Variants in CHRNA4 observed in about 807,000 individuals in gnomAD.
The protein encoded by CHRNA4 is neuronal acetylcholine receptor subunit alpha-4.
In CHRNA4, 28 loss-of-function variants were observed where a neutral mutation model predicts 48.9. That is an observed-to-expected ratio of 0.57 (90% confidence interval 0.42 to 0.79). The LOEUF (loss-of-function observed/expected upper bound fraction) is 0.79, where lower values mean the gene tolerates loss of function less well. Among genes scored for constraint, CHRNA4 ranks in the 30% least tolerant of loss-of-function variants. The probability of loss-of-function intolerance (pLI) is 0.00; values close to 1 mark genes in which losing one functional copy is unlikely to be tolerated. For missense variants in CHRNA4, 859 were observed against 898.4 expected (o/e 0.96, Z 0.56); for synonymous variants, 425 against 402.3 (o/e 1.06, Z -0.68).
At chr20:63,354,038 AG>A (rs1271009758) in intron 4 of CHRNA4, among the ~76,000 whole-genome samples, 38 of 115,016 alleles carry the variant, frequency 3.3e-4, no homozygotes, top group Non-Finnish European at 5.9e-4. Flanking sequence ...TTGTAGTCCT[AG>A]GGGGCTGTGG....
At chr20:63,360,640 C>A (rs1220217568) in intron 1 of CHRNA4, among the ~76,000 whole-genome samples, 1 of 152,186 alleles carries the variant, frequency 6.6e-6, no homozygotes, top group African/African-American at 2.4e-5. Flanking sequence ...AGAGTCCCCA[C>A]CCGCGACCTT....
chr20:63,356,841 C>T (rs2068725880), intron 2 of CHRNA4, among the ~76,000 whole-genome samples: 1 of 152,192 alleles, frequency 6.6e-6, no homozygotes. Context: ...CCACTGCTGG[C>T]CAGGGTGGCC....
intron 1 of CHRNA4, chr20:63,360,211 C>T (rs888846226): frequency 1.2e-5 from 2 of 171,488 alleles, no homozygotes; most frequent in Non-Finnish European, 2.6e-5. Flanking sequence ...GCGGGGCCAG[C>T]CCAGGCAGGA....
At chr20:63,359,913 G>GTGTGCCGGGCGTGCGCTGTGTGTGTA in intron 1 of CHRNA4, 1 of 517,594 alleles carries the variant, frequency 1.9e-6, no homozygotes, top group Non-Finnish European at 3.5e-6. Context: ...GTGTGTGTGT[G>GTGTGCCGGGCGTGCGCTGTGTGTGTA]TGTGTGTGTG....
intron 2 of CHRNA4, among the ~76,000 whole-genome samples, chr20:63,358,838 C>A (rs980967032): frequency 4.6e-5 from 7 of 152,168 alleles, no homozygotes; most frequent in Admixed American, 4.6e-4. Context: ...GCCGAGACCC[C>A]CAGACAGTCT....
In CHRNA4 at chr20:63,343,736, C is replaced by T. The variant is rs367807068; in HGVS notation, c.*3002G>A. ...CCCTGGGAAGGAGGGGGCAGGATGG[C>T]GCAAGCAGCCGCAGAGGGGCCGGCG... is the stretch of plus-strand genomic sequence containing the variant. On this transcript the variant is annotated 3_prime_UTR_variant, in exon 6 of 6. Transcript: ENST00000370263. 114 of 451,252 alleles carry T rather than the reference C, an allele frequency of 2.5e-4. No homozygotes were observed. In the East Asian group the frequency reaches 5.7e-3, roughly 23 times the overall value. 28.0% of individuals were successfully genotyped at this position (451,252 alleles called of 1,614,324 possible). A position where few individuals can be genotyped will look rare whatever the true frequency, so the allele number is the denominator to read the frequency against.
intron 5 of CHRNA4, among the ~76,000 whole-genome samples, chr20:63,347,818 G>C (rs1421003091): frequency 6.6e-6 from 1 of 152,218 alleles, no homozygotes; most frequent in Non-Finnish European, 1.5e-5. Flanking sequence ...GCGGGGGCCT[G>C]GGCACACTGT....
rs200407438 is a variant in CHRNA4 at position 63,351,045 on chromosome 20, G to A, written c.384-18C>T. The A allele has an allele frequency of 4.8e-4, 776 of 1,607,514 alleles. 7 individuals are homozygous for A. Among genetic ancestry groups the A allele is most frequent in the Non-Finnish European group, 3.4e-5 (40 of 1,178,160 alleles). On this transcript the variant is annotated intron_variant, in intron 4 of 5. Coordinates refer to ENST00000370263, the MANE Select transcript of CHRNA4 (RefSeq NM_000744.7). Reference sequence around the variant, plus strand: ...CGTCAGCACTGGGCAGGAAGAGAGCGAAGGGTGTGAGACCCCCACATCCAT... The same window carrying A: ...CGTCAGCACTGGGCAGGAAGAGAGCAAAGGGTGTGAGACCCCCACATCCAT...
In CHRNA4 at chr20:63,350,603, C is replaced by G. The variant is rs765977956; in HGVS notation, c.808G>C (p.Glu270Gln). The change falls in exon 5 of 6, where the codon GAG becomes CAG. Residue 270 changes from glutamate (E) to glutamine (Q), a missense_variant. Around this residue, in one of 3 missense-constraint regions of CHRNA4, gnomAD observed 39 missense variants for 77.7 expected, o/e 0.50. Coordinates refer to ENST00000370263, the MANE Select transcript of CHRNA4 (RefSeq NM_000744.7). ...LTVLVFYLPSECGEKITLCIS... is the reference protein window; with the variant it reads ...LTVLVFYLPSQCGEKITLCIS... ...CACAGCGTGATCTTCTCGCCACACT[C>G]GGAGGGCAGGTAGAAGACCAGCACG... The G allele has an allele frequency of 3.1e-6, 5 of 1,613,788 alleles. No individual in the cohort carries two copies. The highest frequency in any genetic ancestry group is 4.2e-6 in the Non-Finnish European group (5 of 1,180,014).
Position 63,356,073 on chromosome 20 carries a change from G to C in CHRNA4, c.285C>G (p.Asp95Glu). ...TNVWVKQEWH[D>E]YKLRWDPADY... ...CAGCTGGGTCCCAGCGCAGCTTGTA[G>C]TCGTGCCACTCCTGGATGAGGTGGG... The change falls in exon 4 of 6, where the codon GAC becomes GAG. Residue 95 changes from aspartate (D) to glutamate (E), a missense_variant. Asp to Glu is a conservative substitution (Grantham distance 45, BLOSUM62 2). Coordinates refer to ENST00000370263, the MANE Select transcript of CHRNA4 (RefSeq NM_000744.7). 6.3e-7 allele frequency: 1 copy of C among 1,596,334 alleles called. No homozygotes were observed. Among genetic ancestry groups the C allele is most frequent in the Non-Finnish European group, 8.5e-7 (1 of 1,175,292 alleles).
At chr20:63,357,926 T>C (rs1225117169) in intron 2 of CHRNA4, among the ~76,000 whole-genome samples, 2 of 152,172 alleles carry the variant, frequency 1.3e-5, no homozygotes, top group Non-Finnish European at 2.9e-5. Flanking sequence ...AACTGGGGAC[T>C]CTGTGGTGGC....
chr20:63,356,388 T>C lies in CHRNA4; in HGVS notation c.256A>G (p.Asn86Asp), dbSNP rs1021423232. ...VDEKNQMMTTNVWVKQEWHDY... is the reference protein window; with the variant it reads ...VDEKNQMMTTDVWVKQEWHDY... ...CCACTCACCTGCTTCACCCATACGTTCGTGGTCATCATCTGGTTCTTCTCA... is the reference window on the plus strand; with the variant it reads ...CCACTCACCTGCTTCACCCATACGTCCGTGGTCATCATCTGGTTCTTCTCA... The change falls in exon 3 of 6, where the codon AAC becomes GAC. Residue 86 changes from asparagine to aspartate, a missense_variant. Asn to Asp is a conservative substitution (Grantham distance 23, BLOSUM62 1). Coordinates refer to ENST00000370263, the MANE Select transcript of CHRNA4 (RefSeq NM_000744.7). The C allele has an allele frequency of 3.1e-6, 5 of 1,600,472 alleles. No homozygotes were observed. Among genetic ancestry groups the C allele is most frequent in the Non-Finnish European group, 3.4e-6 (4 of 1,174,166 alleles).
chr20:63,349,910 C>T lies in CHRNA4; in HGVS notation c.1501G>A (p.Glu501Lys), dbSNP rs146825815. Residue 501 changes from glutamate to lysine, a missense_variant, in exon 5 of 6, where the codon GAG becomes AAG. By Grantham distance (56) the Glu-to-Lys change is moderately conservative (BLOSUM62 1). Around this residue, in one of 3 missense-constraint regions of CHRNA4, gnomAD observed 478 missense variants for 455.4 expected, o/e 1.05. Coordinates refer to ENST00000370263, the MANE Select transcript of CHRNA4 (RefSeq NM_000744.7). The part of the protein sequence containing the change: ...YCVPRDDAAP[E>K]ADGQAAGALA... Reference sequence around the variant, plus strand: ...GCGCCGGCAGCCTGGCCATCTGCCTCGGGGGCGGCATCGTCTCGGGGAACA... The same window carrying T: ...GCGCCGGCAGCCTGGCCATCTGCCTTGGGGGCGGCATCGTCTCGGGGAACA... The T allele has an allele frequency of 8.8e-6, 14 of 1,594,640 alleles. No individual in the cohort carries two copies. The highest frequency in any genetic ancestry group is 5.2e-5 in the Admixed American group (3 of 58,236).
chr20:63,346,408 GGAGT>G lies in CHRNA4; in HGVS notation c.*326_*329del. Reference sequence around the variant, plus strand: ...CACCAGATCTGCTGAGAGACTGGGAGGAGTGAGTTCCATCTGCAGGGGAGCTCAG... The same window carrying G: ...CACCAGATCTGCTGAGAGACTGGGAGGAGTTCCATCTGCAGGGGAGCTCAG... On this transcript the variant is annotated 3_prime_UTR_variant, in exon 6 of 6. Transcript: ENST00000370263. The G allele has an allele frequency of 1.9e-6, 1 of 523,584 alleles. No homozygotes were observed. The allele number at this position is 523,584 out of a possible 1,614,324, so 32.4% of individuals were successfully genotyped here.
In CHRNA4 at chr20:63,359,932, G is replaced by A. The variant is rs564495641; in HGVS notation, c.77-233C>T. 7.5e-4 allele frequency: 311 copies of A among 413,764 alleles called. 2 individuals carry two copies. The African/African-American group carries it at 7.8e-3, about 10-fold the overall frequency. 25.6% of individuals were successfully genotyped at this position (413,764 alleles called of 1,614,324 possible). A position where few individuals can be genotyped will look rare whatever the true frequency, so the allele number is the denominator to read the frequency against. The stretch of plus-strand genomic sequence containing the variant: ...GTGTGTGTGTGTGTGTGTGTGTGCC[G>A]GGCGTGGCGTGCGCTGACCTCTCTT... On this transcript the variant is annotated intron_variant, in intron 1 of 5. Transcript: ENST00000370263.
At chr20:63,348,697 C>T (rs2068533635) in intron 5 of CHRNA4, among the ~76,000 whole-genome samples, 1 of 152,214 alleles carries the variant, frequency 6.6e-6, no homozygotes, top group Non-Finnish European at 1.5e-5. Flanking sequence ...CCGCTGTGGA[C>T]GTCATGGGCT....
In CHRNA4 at chr20:63,350,640, G is replaced by A; in HGVS notation, c.771C>T (p.Ile257=). ...TINLIIPCLL[I]SCLTVLVFYL... ...AGAAGACCAGCACGGTGAGGCAGGA[G>A]ATGAGCAGGCAGGGGATGATGAGGT... Residue 257 remains isoleucine, a synonymous_variant, in exon 5 of 6, where the codon ATC becomes ATT. Coordinates refer to ENST00000370263, the MANE Select transcript of CHRNA4 (RefSeq NM_000744.7). The A allele has an allele frequency of 1.2e-6, 2 of 1,614,104 alleles. No homozygotes were observed. Among genetic ancestry groups the A allele is most frequent in the Non-Finnish European group, 1.7e-6 (2 of 1,180,042 alleles).
rs1568801556 is a variant in CHRNA4 at position 63,344,251 on chromosome 20, G to A, written c.*2487C>T. On this transcript the variant is annotated 3_prime_UTR_variant, in exon 6 of 6. Transcript: ENST00000370263. This position sits in a 1 kb window ranked among gnomAD's most constrained non-coding sequence, Gnocchi z 4.5. ...AGGATTCTGACTCCTCGAAGGTCGTGAGCCGGAGAGGTCAATCCACGGTGC... is the reference window on the plus strand; with the variant it reads ...AGGATTCTGACTCCTCGAAGGTCGTAAGCCGGAGAGGTCAATCCACGGTGC... 2 of 453,944 alleles carry A rather than the reference G, an allele frequency of 4.4e-6. No homozygotes were observed. The highest frequency in any genetic ancestry group is 6.9e-4 in the Middle Eastern group (1 of 1,444). The allele number at this position is 453,944 out of a possible 1,614,324, so 28.1% of individuals were successfully genotyped here. A position where few individuals can be genotyped will look rare whatever the true frequency, so the allele number is the denominator to read the frequency against.
chr20:63,351,500 T>C (rs2068615807), intron 4 of CHRNA4, among the ~76,000 whole-genome samples: 1 of 152,136 alleles, frequency 6.6e-6, no homozygotes, highest in African/African-American at 2.4e-5. Flanking sequence ...CAGCGTCACC[T>C]CCTGGGACAC....
Sources: allele counts gnomAD v4.1 joint callset (sites outside exome capture counted in the v4.1 genomes callset), GRCh38; gene constraint gnomAD v4.1.1; regional missense constraint gnomAD v4.1.1; non-coding constraint Gnocchi (gnomAD v3.1); transcripts MANE v1.5; gene names NCBI Gene and HGNC (gene_info 2026-07-23, HGNC 2026-07-21).